Variants in ETFA observed in about 807,000 individuals in gnomAD.
ETFA encodes the protein electron transfer flavoprotein subunit alpha, mitochondrial.
Under a neutral mutation model 46.2 loss-of-function variants are expected in ETFA, and 22 were observed. The ratio of observed to expected loss-of-function variants is 0.48; its 90% confidence interval spans 0.34 to 0.68. ETFA has a LOEUF of 0.68. ETFA is among the 30% of genes least tolerant of loss of function. The pLI, the probability that ETFA is intolerant of heterozygous loss-of-function variation, is 0.01. For missense variants in ETFA, 345 were observed against 401.1 expected (o/e 0.86, Z 1.19); for synonymous variants, 131 against 139.9 (o/e 0.94, Z 0.45).
At chr15:76,284,199 G>A (rs2039683206) in intron 7 of ETFA, among the ~76,000 whole-genome samples, 1 of 152,122 alleles carries the variant, frequency 6.6e-6, no homozygotes, top group Admixed American at 6.5e-5. Context: ...TATTTGAATG[G>A]GAGTCATCTC....
chr15:76,283,315 C>G (rs1019999342), intron 8 of ETFA, among the ~76,000 whole-genome samples: 1 of 152,176 alleles, frequency 6.6e-6, no homozygotes, highest in African/African-American at 2.4e-5. Context: ...CCTCAGCCTC[C>G]TGAGTACCTG....
At chr15:76,253,929 C>A (rs2039325881) in intron 9 of ETFA, among the ~76,000 whole-genome samples, 1 of 152,216 alleles carries the variant, frequency 6.6e-6, no homozygotes, top group South Asian at 2.1e-4. Context: ...TTGTATCAGA[C>A]CAATCCTCCT....
chr15:76,221,414 G>C (rs184804667), intron 11 of ETFA, among the ~76,000 whole-genome samples: 1 of 152,198 alleles, frequency 6.6e-6, no homozygotes, highest in Non-Finnish European at 1.5e-5. Context: ...GATAGTGGTT[G>C]TGTAACTGTG....
At chr15:76,307,222 T>A (rs527812483) in intron 1 of ETFA, among the ~76,000 whole-genome samples, 103 of 152,376 alleles carry the variant, frequency 6.8e-4, no homozygotes, top group African/African-American at 2.4e-3. Context: ...TTAATATCCC[T>A]GCAAGAATAT....
chr15:76,261,716 G>T (rs1393328652), intron 9 of ETFA: 1 of 264,436 alleles, frequency 3.8e-6, no homozygotes, highest in Non-Finnish European at 7.0e-6. Context: ...ACCATGCCAG[G>T]CCCGGCCCAC....
At chr15:76,258,266 C>T (rs947952426) in intron 9 of ETFA, among the ~76,000 whole-genome samples, 2 of 152,152 alleles carry the variant, frequency 1.3e-5, no homozygotes, top group African/African-American at 2.4e-5. Context: ...TCCAGCCTCA[C>T]TCGCTCTTGG....
chr15:76,286,914 T>C (rs981664900), intron 5 of ETFA, among the ~76,000 whole-genome samples: 1 of 152,230 alleles, frequency 6.6e-6, no homozygotes, highest in African/African-American at 2.4e-5. Context: ...AGAACAGGTA[T>C]GAATGTGCTA....
At chr15:76,292,948 C>A (rs948478925) in intron 2 of ETFA, among the ~76,000 whole-genome samples, 51 of 152,132 alleles carry the variant, frequency 3.4e-4, no homozygotes, top group African/African-American at 1.2e-3. Flanking sequence ...ACCAGCCTGG[C>A]CAACATGGTG....
intron 1 of ETFA, among the ~76,000 whole-genome samples, chr15:76,309,616 T>C (rs1041920732): frequency 2.0e-5 from 3 of 152,192 alleles, no homozygotes; most frequent in African/African-American, 7.2e-5. Context: ...TACTTAATCA[T>C]TCCATTTTTT....
intron 9 of ETFA, chr15:76,258,951 C>T: frequency 3.4e-6 from 5 of 1,468,568 alleles, no homozygotes; most frequent in Non-Finnish European, 4.8e-6. Context: ...GCCATCAGAG[C>T]CAGCCAAATT....
intron 9 of ETFA, among the ~76,000 whole-genome samples, chr15:76,239,315 A>C (rs1279155945): frequency 6.6e-6 from 1 of 152,238 alleles, no homozygotes. Flanking sequence ...TGATGTTTTG[A>C]TATAGGTAAA....
chr15:76,309,406 G>A (rs1051315048), intron 1 of ETFA, among the ~76,000 whole-genome samples: 2 of 152,144 alleles, frequency 1.3e-5, no homozygotes, highest in Non-Finnish European at 2.9e-5. Flanking sequence ...AGCTGAGATC[G>A]CGCCACTGCA....
chr15:76,283,716 A>G (rs761975201), intron 8 of ETFA, 41 bp downstream of exon 8: 12 of 1,249,340 alleles, frequency 9.6e-6, no homozygotes, highest in Admixed American at 6.9e-5. Context: ...AATATTTCCA[A>G]CAAAAAGGGA....
chr15:76,268,189 C>CAAAAAAAAAAAAAA (rs57096514), intron 9 of ETFA, among the ~76,000 whole-genome samples: 1 of 107,080 alleles, frequency 9.3e-6, no homozygotes, highest in Non-Finnish European at 2.0e-5. Context: ...CCAGCTACAG[C>CAAAAAAAAAAAAAA]AAAAAAAAAA....
chr15:76,234,959 G>A (rs2039108938), intron 9 of ETFA, among the ~76,000 whole-genome samples: 2 of 152,188 alleles, frequency 1.3e-5, no homozygotes, highest in Non-Finnish European at 2.9e-5. Flanking sequence ...GCAGGACTGA[G>A]AAACTGTTGC....
intron 2 of ETFA, 128 bp downstream of exon 2, chr15:76,295,463 C>T (rs1262826639): frequency 6.2e-6 from 5 of 808,714 alleles, no homozygotes; most frequent in East Asian, 2.4e-5. Context: ...ATGGTTGTGA[C>T]ACTGACCATT....
intron 9 of ETFA, among the ~76,000 whole-genome samples, chr15:76,256,238 A>G (rs7166675): frequency 0.04 from 5,996 of 150,470 alleles, 382 homozygotes; most frequent in African/African-American, 0.13. Context: ...AGCCTGGGCA[A>G]TAAGAGTGAG....
intron 11 of ETFA, among the ~76,000 whole-genome samples, chr15:76,222,120 T>C (rs890545270): frequency 5.9e-5 from 9 of 151,560 alleles, no homozygotes; most frequent in Non-Finnish European, 1.3e-4. Context: ...TGCTAATTAA[T>C]TCTCACCCAT....
chr15:76,252,292 T>C (rs2039306500), intron 9 of ETFA, among the ~76,000 whole-genome samples: 1 of 152,200 alleles, frequency 6.6e-6, no homozygotes, highest in South Asian at 2.1e-4. Context: ...GGTAAACTTA[T>C]TGTACATTCT....
Sources: allele counts gnomAD v4.1 joint callset (sites outside exome capture counted in the v4.1 genomes callset), GRCh38; gene constraint gnomAD v4.1.1; transcripts MANE v1.5; gene names NCBI Gene and HGNC (gene_info 2026-07-23, HGNC 2026-07-21).